GRM8: variants seen among roughly 807,000 people sequenced by gnomAD.
GRM8 encodes glutamate metabotropic receptor 8, also known as metabotropic glutamate receptor 8.
In GRM8, 47 loss-of-function variants were observed where a neutral mutation model predicts 87.2. The observed-to-expected ratio is 0.54, with a 90% CI of 0.43 to 0.69. GRM8 has a LOEUF of 0.69. Ranked by LOEUF, GRM8 falls within the 30% of genes least tolerant of loss-of-function variation. GRM8 has a pLI of 0.00. For missense variants in GRM8, 1,019 were observed against 1,139.2 expected (o/e 0.89, Z 1.52); for synonymous variants, 396 against 404.5 (o/e 0.98, Z 0.25).
intron 6 of GRM8, among the ~76,000 whole-genome samples, chr7:126,832,924 C>T (rs1795529571): frequency 6.6e-6 from 1 of 152,202 alleles, no homozygotes; most frequent in Admixed American, 6.5e-5. Context: ...AATTCAATGA[C>T]AGTTCATGAA....
intron 10 of GRM8, chr7:126,445,126 C>T (rs1801876599): frequency 6.6e-6 from 1 of 152,196 alleles, no homozygotes; most frequent in South Asian, 2.1e-4. Flanking sequence ...GATCATACCA[C>T]TGCACTCCAG....
chr7:126,457,021 G>A (rs1042672934), intron 9 of GRM8, among the ~76,000 whole-genome samples: 1 of 151,456 alleles, frequency 6.6e-6, no homozygotes, highest in Non-Finnish European at 1.5e-5. Flanking sequence ...ATGTATTGAA[G>A]AAAATACATA....
intron 7 of GRM8, among the ~76,000 whole-genome samples, chr7:126,671,447 A>G (rs1164971876): frequency 6.8e-6 from 1 of 146,326 alleles, no homozygotes; most frequent in Non-Finnish European, 1.5e-5. Context: ...TCATTCCATC[A>G]TGATGATATT....
intron 3 of GRM8, among the ~76,000 whole-genome samples, chr7:126,938,886 A>G (rs974205105): frequency 7.2e-5 from 11 of 152,144 alleles, no homozygotes; most frequent in African/African-American, 2.7e-4. Context: ...TGGATCGTTT[A>G]TACATCCTAG....
intron 3 of GRM8, among the ~76,000 whole-genome samples, chr7:127,106,014 C>G (rs535531640): frequency 2.4e-4 from 36 of 152,232 alleles, no homozygotes; most frequent in African/African-American, 8.7e-4. Context: ...CGCAAAAAGT[C>G]AAATATGACA....
At chr7:126,850,355 G>T (rs1233882232) in intron 6 of GRM8, among the ~76,000 whole-genome samples, 1 of 152,020 alleles carries the variant, frequency 6.6e-6, no homozygotes, top group Admixed American at 6.6e-5. Context: ...AGTGCTTCAG[G>T]GCCCAGTCCT....
At chr7:127,207,907 C>A (rs968411326) in intron 2 of GRM8, among the ~76,000 whole-genome samples, 2 of 152,198 alleles carry the variant, frequency 1.3e-5, no homozygotes, top group Non-Finnish European at 2.9e-5. Context: ...AGAGTAAATT[C>A]TGTTCCAACT....
At chr7:126,837,659 C>T (rs915448432) in intron 6 of GRM8, among the ~76,000 whole-genome samples, 3 of 152,226 alleles carry the variant, frequency 2.0e-5, no homozygotes, top group Non-Finnish European at 4.4e-5. Flanking sequence ...GCCAGATGAA[C>T]ATGACTGTGG....
At chr7:126,640,114 T>C (rs1802223850) in intron 7 of GRM8, among the ~76,000 whole-genome samples, 2 of 152,228 alleles carry the variant, frequency 1.3e-5, no homozygotes, top group Admixed American at 6.5e-5. Flanking sequence ...TAGTCTCACT[T>C]AGAGCCTAAC....
chr7:127,057,551 T>A (rs1461400362), intron 3 of GRM8, among the ~76,000 whole-genome samples: 1 of 152,184 alleles, frequency 6.6e-6, no homozygotes, highest in East Asian at 1.9e-4. Context: ...ATTTCACACA[T>A]ATACAAAGTA....
At chr7:126,604,913 G>A (rs1053614407) in intron 8 of GRM8, among the ~76,000 whole-genome samples, 5 of 152,006 alleles carry the variant, frequency 3.3e-5, no homozygotes, top group African/African-American at 1.2e-4. Context: ...ACTAATAATT[G>A]GGCAGATTGG....
At position 127,217,283 on chromosome 7, in the gene GRM8, A is replaced by T. The variant is rs189151863; in HGVS notation, c.510+25412T>A. ...GGAGTGATGAAAGGGGACATAATGAACTCTGTTGGGAGCAAGTGAAGGACA... is the reference window on the plus strand; with the variant it reads ...GGAGTGATGAAAGGGGACATAATGATCTCTGTTGGGAGCAAGTGAAGGACA... On this transcript the variant is annotated intron_variant, in intron 2 of 10. Coordinates refer to ENST00000339582, the MANE Select transcript of GRM8 (RefSeq NM_000845.3). 3.3e-5 allele frequency among the ~76,000 whole-genome samples: 5 copies of T among 152,228 alleles called. No individual in the cohort carries two copies. In the East Asian group the frequency reaches 7.7e-4, roughly 24 times the overall value.
chr7:126,843,116 T>C (rs1796421668), intron 6 of GRM8, among the ~76,000 whole-genome samples: 1 of 152,158 alleles, frequency 6.6e-6, no homozygotes, highest in East Asian at 1.9e-4. Flanking sequence ...TAACTATCCA[T>C]AACACATAAT....
rs184433653 is a variant in GRM8, at chr7:126,455,286, A to T, written c.2431-8914T>A. Among the ~76,000 whole-genome samples, 407 of 146,910 alleles carry T rather than the reference A, an allele frequency of 2.8e-3. 3 individuals carry two copies. Among genetic ancestry groups the T allele is most frequent in the Non-Finnish European group, 3.1e-3 (208 of 67,410 alleles). ...ACATGAAAATAAAGTGTAGATTCAA[A>T]CTGAGGTTTCTCTAATTTGAAAGCC... On this transcript the variant is annotated intron_variant, in intron 9 of 10. Transcript: ENST00000339582.
intron 7 of GRM8, among the ~76,000 whole-genome samples, chr7:126,623,339 T>C (rs891993400): frequency 6.6e-6 from 1 of 152,196 alleles, no homozygotes; most frequent in African/African-American, 2.4e-5. Flanking sequence ...ATATACTTTA[T>C]GTAAACTAAC....
At chr7:126,620,146 G>C (rs1799964951) in intron 7 of GRM8, among the ~76,000 whole-genome samples, 1 of 152,132 alleles carries the variant, frequency 6.6e-6, no homozygotes, top group African/African-American at 2.4e-5. Context: ...AAATTAGCCA[G>C]GCATGGTGGC....
intron 7 of GRM8, among the ~76,000 whole-genome samples, chr7:126,703,072 G>C (rs1398051330): frequency 6.6e-6 from 1 of 152,146 alleles, no homozygotes; most frequent in African/African-American, 2.4e-5. Context: ...ATGTCAGTGA[G>C]AGACAAGTTC....
chr7:126,802,013 G>C (rs1170553563), intron 6 of GRM8, among the ~76,000 whole-genome samples: 1 of 152,126 alleles, frequency 6.6e-6, no homozygotes, highest in Non-Finnish European at 1.5e-5. Flanking sequence ...GAAGAACAGT[G>C]ATAGCTCTAC....
chr7:126,876,800 A>T (rs779752528), intron 6 of GRM8, among the ~76,000 whole-genome samples: 4 of 152,088 alleles, frequency 2.6e-5, no homozygotes, highest in Non-Finnish European at 5.9e-5. Flanking sequence ...TATCTAAACC[A>T]CTAAAATTTC....
Sources: allele counts gnomAD v4.1 joint callset (sites outside exome capture counted in the v4.1 genomes callset), GRCh38; gene constraint gnomAD v4.1.1; transcripts MANE v1.5; gene names NCBI Gene and HGNC (gene_info 2026-07-23, HGNC 2026-07-21).